SLC4A8: variants seen among roughly 807,000 people sequenced by gnomAD.
The protein encoded by SLC4A8 is electroneutral sodium bicarbonate exchanger 1.
SLC4A8 carries 40 observed loss-of-function variants against 125.0 expected under a neutral mutation model. The ratio of observed to expected loss-of-function variants is 0.32; its 90% CI spans 0.25 to 0.42. SLC4A8 has a LOEUF of 0.42. Among genes scored for constraint, SLC4A8 ranks in the 10% least tolerant of loss-of-function variants. The probability of loss-of-function intolerance (pLI) is 1.00; values close to 1 mark genes in which losing one functional copy is unlikely to be tolerated. For synonymous variants in SLC4A8, 456 were observed against 476.0 expected (o/e 0.96, Z 0.55); for missense variants, 863 against 1,355.1 (o/e 0.64, Z 5.70).
At chr12:51,470,816 T>C (rs1012623508) in intron 13 of SLC4A8, among the ~76,000 whole-genome samples, 1 of 152,218 alleles carries the variant, frequency 6.6e-6, no homozygotes, top group Admixed American at 6.5e-5. Context: ...TCCATTTCCA[T>C]TGTGAGTCAA....
chr12:51,471,449 T>C lies in SLC4A8; in HGVS notation c.1821T>C (p.Tyr607=). Residue 607 remains tyrosine (Y), a synonymous_variant, in exon 14 of 25, where the codon TAT becomes TAC. Transcript: ENST00000453097. ...CCCTAATTTGCATTATTTTCATCTA[T>C]GAAGCAATAGAAAAACTGATTCACC... ...FASLICIIFI[Y]EAIEKLIHLA... 6.2e-7 allele frequency: 1 copy of C among 1,614,218 alleles called. No homozygotes were observed. The highest frequency in any genetic ancestry group is 8.5e-7 in the Non-Finnish European group (1 of 1,180,028).
At chr12:51,500,796 C>T (rs1252565480) in intron 22 of SLC4A8, among the ~76,000 whole-genome samples, 2 of 151,380 alleles carry the variant, frequency 1.3e-5, no homozygotes, top group African/African-American at 2.4e-5. Context: ...ACGCCATTCT[C>T]CTGCCTCAGC....
chr12:51,432,242 A>G (rs1949213072), intron 1 of SLC4A8, among the ~76,000 whole-genome samples: 1 of 150,742 alleles, frequency 6.6e-6, no homozygotes, highest in African/African-American at 2.4e-5. Context: ...CCCCATCTCT[A>G]CTAAAAATAC....
At chr12:51,407,268 C>T (rs116797698) in intron 1 of SLC4A8, among the ~76,000 whole-genome samples, 1,854 of 151,960 alleles carry the variant, frequency 0.012, 51 homozygotes, top group African/African-American at 0.043. Flanking sequence ...CTTGCTTTTT[C>T]GTTTTTTAGA....
At chr12:51,458,063 A>G (rs1950210742) in intron 6 of SLC4A8, among the ~76,000 whole-genome samples, 1 of 152,160 alleles carries the variant, frequency 6.6e-6, no homozygotes, top group African/African-American at 2.4e-5. Flanking sequence ...ATTTATTGTG[A>G]ACTTCAATGA....
At chr12:51,479,435 C>T (rs1950953047) in intron 16 of SLC4A8, among the ~76,000 whole-genome samples, 1 of 151,984 alleles carries the variant, frequency 6.6e-6, no homozygotes, top group African/African-American at 2.4e-5. Context: ...GGCTATAATC[C>T]CAGCACTTTG....
At chr12:51,452,827 G>C (rs542762928) in intron 4 of SLC4A8, among the ~76,000 whole-genome samples, 4 of 152,306 alleles carry the variant, frequency 2.6e-5, no homozygotes, top group East Asian at 3.9e-4. Flanking sequence ...GAGCCCTCAG[G>C]ATAACCAAGG....
intron 22 of SLC4A8, among the ~76,000 whole-genome samples, chr12:51,499,368 T>C (rs769482380): frequency 2.6e-5 from 4 of 151,630 alleles, no homozygotes; most frequent in African/African-American, 7.3e-5. Flanking sequence ...GTGAAAAAGA[T>C]TGGAAGAAAA....
intron 16 of SLC4A8, among the ~76,000 whole-genome samples, chr12:51,481,783 G>GTA (rs757920489): frequency 2.0e-5 from 3 of 151,094 alleles, no homozygotes; most frequent in South Asian, 2.1e-4. Flanking sequence ...TCTCTACAAA[G>GTA]TATATATAAA....
chr12:51,416,385 G>T (rs1412045127), intron 1 of SLC4A8, among the ~76,000 whole-genome samples: 1 of 152,122 alleles, frequency 6.6e-6, no homozygotes, highest in Non-Finnish European at 1.5e-5. Flanking sequence ...GCTCTTGCCT[G>T]TAATCCCAGC....
At chr12:51,394,846 A>G (rs1306660951) in intron 1 of SLC4A8, among the ~76,000 whole-genome samples, 4 of 152,196 alleles carry the variant, frequency 2.6e-5, no homozygotes, top group Non-Finnish European at 5.9e-5. Flanking sequence ...AAAGTTTAAA[A>G]AACATATATG....
In SLC4A8 at chr12:51,450,907, G is replaced by C. The variant is rs780147246; in HGVS notation, c.162G>C (p.Met54Ile). ...GAACTCTGTATGTGGGAGTTCGGAT[G>C]CCGCTTGGCCGGCAGAGCCATCGGC... ...GHRTLYVGVR[M>I]PLGRQSHRHH... The change falls in exon 3 of 25, where the codon ATG (methionine) becomes ATC (isoleucine). Residue 54 changes from methionine to isoleucine, a missense_variant. Physicochemically the swap from Met to Ile is conservative, Grantham distance 10. Coordinates refer to ENST00000453097, the MANE Select transcript of SLC4A8 (RefSeq NM_001039960.3). 2 of 1,612,860 alleles carry C rather than the reference G, an allele frequency of 1.2e-6. No homozygotes were observed. Among genetic ancestry groups the C allele is most frequent in the South Asian group, 2.2e-5 (2 of 90,778 alleles).
intron 1 of SLC4A8, among the ~76,000 whole-genome samples, chr12:51,406,869 G>C (rs1948498773): frequency 6.6e-6 from 1 of 152,224 alleles, no homozygotes; most frequent in Non-Finnish European, 1.5e-5. Flanking sequence ...GAGGAGCCAG[G>C]CTAGGCCAGG....
intron 1 of SLC4A8, among the ~76,000 whole-genome samples, chr12:51,432,175 G>A (rs1156488845): frequency 1.3e-5 from 2 of 152,082 alleles, no homozygotes; most frequent in Admixed American, 1.3e-4. Context: ...TTGGGAGGCC[G>A]AGGTGGGAGG....
Position 51,448,136 on chromosome 12 carries a change from T to C in SLC4A8, c.131-2740T>C, listed in dbSNP as rs114400112. 2.3e-3 allele frequency among the ~76,000 whole-genome samples: 346 copies of C among 152,258 alleles called. 2 individuals are homozygous for C. Among genetic ancestry groups the C allele is most frequent in the African/African-American group, 8.0e-3 (331 of 41,546 alleles). On this transcript the variant is annotated intron_variant, in intron 2 of 24. Coordinates refer to ENST00000453097, the MANE Select transcript of SLC4A8 (RefSeq NM_001039960.3). The stretch of plus-strand genomic sequence containing the variant: ...AAAGAAGAAAAGATTAAAAAGGAGA[T>C]TGAGTACTGAGCATGAAGGTCCTGA...
chr12:51,441,506 A>C lies in SLC4A8; in HGVS notation c.130+717A>C, dbSNP rs562885633. Among the ~76,000 whole-genome samples the C allele has an allele frequency of 5.9e-5, 9 of 152,242 alleles. No individual in the cohort carries two copies. In the South Asian group the frequency reaches 1.0e-3, roughly 18 times the overall value. ...CCTGGGGACTAGTTGGTGTGTTAGG[A>C]GTTGGACCCACACCTGGCCATGGTT... On this transcript the variant is annotated intron_variant, in intron 2 of 24. Coordinates refer to ENST00000453097, the MANE Select transcript of SLC4A8 (RefSeq NM_001039960.3).
intron 16 of SLC4A8, among the ~76,000 whole-genome samples, chr12:51,484,194 C>T (rs1951104648): frequency 6.6e-6 from 1 of 152,166 alleles, no homozygotes; most frequent in African/African-American, 2.4e-5. Flanking sequence ...AGTGAGCCTA[C>T]ATGGCAGTCA....
chr12:51,449,329 A>G (rs1181788869), intron 2 of SLC4A8, among the ~76,000 whole-genome samples: 1 of 151,876 alleles, frequency 6.6e-6, no homozygotes, highest in Admixed American at 6.6e-5. Flanking sequence ...TCCCAGCTAC[A>G]TGGGAGGATC....
chr12:51,479,664 C>G (rs139512481), intron 16 of SLC4A8, among the ~76,000 whole-genome samples: 1,720 of 128,924 alleles, frequency 0.013, 21 homozygotes, highest in Middle Eastern at 0.03. Flanking sequence ...GCCTGGGCGA[C>G]AGAGTGAGAC....
Sources: gnomAD v4.1 joint callset for allele counts (sites outside exome capture counted in the v4.1 genomes callset) on GRCh38, gnomAD v4.1.1 for gene constraint, MANE v1.5 for transcripts, NCBI Gene and HGNC (gene_info 2026-07-23, HGNC 2026-07-21) for gene names.